Variants in SAMD12 observed in about 807,000 individuals in gnomAD.
SAMD12 encodes the protein sterile alpha motif domain-containing protein 12.
SAMD12 carries 9 observed loss-of-function variants against 15.0 expected under a neutral mutation model. The ratio of observed to expected loss-of-function variants is 0.60; its 90% CI spans 0.36 to 1.05. The LOEUF (loss-of-function observed/expected upper bound fraction) is 1.05. SAMD12 is among the 50% of genes least tolerant of loss of function. The probability of loss-of-function intolerance (pLI) is 0.01; values close to 1 mark genes in which losing one functional copy is unlikely to be tolerated. For missense variants in SAMD12, 230 were observed against 234.2 expected, an observed-to-expected ratio of 0.98 and a Z score of 0.12; for synonymous variants, 86 against 90.1, an observed-to-expected ratio of 0.96 and a Z score of 0.25.
intron 2 of SAMD12, among the ~76,000 whole-genome samples, chr8:118,565,843 G>A (rs1388612793): frequency 1.3e-5 from 2 of 151,912 alleles, no homozygotes; most frequent in Non-Finnish European, 2.9e-5. Flanking sequence ...TCCTCTCTTT[G>A]CCTCCATAGG....
chr8:118,159,004 G>A, the SAMD12 span, among the ~76,000 whole-genome samples: 5 of 151,974 alleles, frequency 3.3e-5, no homozygotes, highest in African/African-American at 9.7e-5. Flanking sequence ...ACAAGAACTC[G>A]GGACCTGCTG....
At chr8:118,420,663 G>A (rs2514992) in intron 3 of SAMD12, among the ~76,000 whole-genome samples, 33,128 of 152,038 alleles carry the variant, frequency 0.22, 3,839 homozygotes, top group East Asian at 0.37. Flanking sequence ...GATTATTTCC[G>A]GATGTAAGAA....
chr8:118,476,064 G>C (rs1474817666), intron 2 of SAMD12, among the ~76,000 whole-genome samples: 4 of 152,196 alleles, frequency 2.6e-5, no homozygotes, highest in African/African-American at 9.6e-5. Context: ...CCATGGGTTT[G>C]CAAAGGCTGT....
At chr8:118,316,090 G>A (rs944257161) in intron 4 of SAMD12, among the ~76,000 whole-genome samples, 1 of 152,114 alleles carries the variant, frequency 6.6e-6, no homozygotes, top group East Asian at 1.9e-4. Context: ...TCTCTCACAT[G>A]CTGTTCGAAG....
In SAMD12 at chr8:118,421,150, T is replaced by C. The variant is rs146667726; in HGVS notation, c.322+18682A>G. On this transcript the variant is annotated intron_variant, in intron 3 of 3. Transcript: ENST00000314727. ...TAACTTTCACACCTCAGGTTCCTCA[T>C]GTGTAATGAGATGGATAACACATCT... Among the ~76,000 whole-genome samples, 386 of 152,334 alleles carry C rather than the reference T, an allele frequency of 2.5e-3. 3 individuals carry two copies. Among genetic ancestry groups the C allele is most frequent in the African/African-American group, 9.0e-3 (376 of 41,578 alleles).
chr8:118,611,400 G>A (rs1828108500), intron 1 of SAMD12, among the ~76,000 whole-genome samples: 1 of 152,168 alleles, frequency 6.6e-6, no homozygotes, highest in African/African-American at 2.4e-5. Flanking sequence ...TACATACCTG[G>A]TGCTACTCTC....
chr8:118,508,575 G>A (rs553273839), intron 2 of SAMD12, among the ~76,000 whole-genome samples: 3 of 152,196 alleles, frequency 2.0e-5, no homozygotes, highest in South Asian at 2.1e-4. Flanking sequence ...AGACACCTTC[G>A]TGTCATTTTA....
At chr8:118,369,484 G>A (rs1818969608) in intron 4 of SAMD12, among the ~76,000 whole-genome samples, 1 of 152,162 alleles carries the variant, frequency 6.6e-6, no homozygotes, top group Admixed American at 6.5e-5. Flanking sequence ...GGGAAGCTGA[G>A]GCTGGTGGAT....
the SAMD12 span, among the ~76,000 whole-genome samples, chr8:118,141,240 A>G: frequency 1.3e-5 from 2 of 152,222 alleles, no homozygotes; most frequent in Non-Finnish European, 2.9e-5. Context: ...CCCTTTGTTC[A>G]ATGTAACAGA....
At chr8:118,212,481 G>A (rs775452783) in intron 4 of SAMD12, among the ~76,000 whole-genome samples, 15 of 152,158 alleles carry the variant, frequency 9.9e-5, no homozygotes, top group Non-Finnish European at 2.1e-4. Flanking sequence ...TAAACTTCAT[G>A]TGTGATAAGT....
intron 2 of SAMD12, among the ~76,000 whole-genome samples, chr8:118,530,251 G>A (rs980214698): frequency 2.6e-5 from 4 of 152,096 alleles, no homozygotes; most frequent in African/African-American, 9.7e-5. Flanking sequence ...AGAGGTACAT[G>A]TACAGGTTTG....
the SAMD12 span, among the ~76,000 whole-genome samples, chr8:118,161,089 C>T: frequency 1.2e-4 from 19 of 152,088 alleles, no homozygotes; most frequent in Middle Eastern, 6.3e-3. Flanking sequence ...TGATGGTTTC[C>T]AGTTTCATCC....
At chr8:118,199,927 T>C (rs17507285) in intron 4 of SAMD12, among the ~76,000 whole-genome samples, 3,710 of 152,298 alleles carry the variant, frequency 0.024, 163 homozygotes, top group African/African-American at 0.085. Flanking sequence ...CCAAATCTTA[T>C]CTTGAACTGC....
intron 2 of SAMD12, among the ~76,000 whole-genome samples, chr8:118,533,106 T>A (rs970608665): frequency 4.6e-5 from 7 of 152,222 alleles, no homozygotes; most frequent in Non-Finnish European, 1.0e-4. Flanking sequence ...ACACACTGTT[T>A]TAAATGTGTC....
chr8:118,595,397 C>CA (rs2131287962), intron 1 of SAMD12, among the ~76,000 whole-genome samples: 1 of 152,286 alleles, frequency 6.6e-6, no homozygotes, highest in Admixed American at 6.5e-5. Flanking sequence ...GAAAGATTAG[C>CA]AATTCATTTT....
In SAMD12 at chr8:118,434,819, G is replaced by GCAGGGAGTTAATGCTATTAGCACAGCA. The variant is rs1586714122; in HGVS notation, c.322+5012_322+5013insTGCTGTGCTAATAGCATTAACTCCCTG. Among the ~76,000 whole-genome samples the GCAGGGAGTTAATGCTATTAGCACAGCA allele has an allele frequency of 7.8e-5, 8 of 103,060 alleles. No individual in the cohort carries two copies. In the South Asian group the frequency reaches 9.3e-4, roughly 12 times the overall value. 67.6% of individuals were successfully genotyped at this position (103,060 alleles called of 152,430 possible). A position where few individuals can be genotyped will look rare whatever the true frequency, so the allele number is the denominator to read the frequency against. On this transcript the variant is annotated intron_variant, in intron 3 of 3. Coordinates refer to ENST00000314727, the MANE Select transcript of SAMD12 (RefSeq NM_207506.3). ...CTTATTCTTTTTAAAGTGTGCTTCTGGCCGGGCGCGGTGGCTCACGCCTGT... is the reference window on the plus strand; with the variant it reads ...CTTATTCTTTTTAAAGTGTGCTTCTGCAGGGAGTTAATGCTATTAGCACAGCAGCCGGGCGCGGTGGCTCACGCCTGT...
chr8:118,527,706 T>C (rs1306791784), intron 2 of SAMD12, among the ~76,000 whole-genome samples: 2 of 152,192 alleles, frequency 1.3e-5, no homozygotes, highest in Non-Finnish European at 2.9e-5. Context: ...TTGTTTTTGG[T>C]AAGCAGTCTT....
At chr8:118,447,937 C>A (rs1001604098) in intron 2 of SAMD12, among the ~76,000 whole-genome samples, 11 of 151,586 alleles carry the variant, frequency 7.3e-5, no homozygotes, top group African/African-American at 2.7e-4. Flanking sequence ...ACTGTGTTAG[C>A]CAAGATGGTC....
the SAMD12 span, among the ~76,000 whole-genome samples, chr8:118,137,486 C>T: frequency 2.0e-5 from 3 of 152,146 alleles, no homozygotes; most frequent in African/African-American, 4.8e-5. Flanking sequence ...ACGAAGTCAG[C>T]GTGAAATCGG....
Sources: allele counts gnomAD v4.1 joint callset (sites outside exome capture counted in the v4.1 genomes callset), GRCh38; gene constraint gnomAD v4.1.1; transcripts MANE v1.5; gene names NCBI Gene and HGNC (gene_info 2026-07-23, HGNC 2026-07-21).